The following ZNF568 variants were observed in gnomAD, a reference collection of about 807,000 sequenced individuals.
ZNF568 encodes the protein p53 inhibitor of SCO2 activation.
A neutral mutation model predicts 18.1 loss-of-function variants in ZNF568; 11 were observed. The observed-to-expected ratio is 0.61, with a 90% CI of 0.38 to 1.00. The LOEUF (loss-of-function observed/expected upper bound fraction) is 1.00, where lower values mean the gene tolerates loss of function less well. Ranked by LOEUF, ZNF568 falls within the 50% of genes least tolerant of loss-of-function variation. ZNF568 has a pLI of 0.01. For synonymous variants in ZNF568, 213 were observed against 246.6 expected, an observed-to-expected ratio of 0.86 and a Z score of 1.28; for missense variants, 639 against 768.2, an observed-to-expected ratio of 0.83 and a Z score of 1.99.
downstream of ZNF568, chr19:36,997,435 CA>C: frequency 1.9e-6 from 3 of 1,591,076 alleles, no homozygotes; most frequent in Non-Finnish European, 1.7e-6. Context: ...TGTTCGACAT[CA>C]AAAAGTTCAC....
At chr19:36,992,286 G>A (rs938099978) in intron 4 of ZNF568, among the ~76,000 whole-genome samples, 5 of 148,620 alleles carry the variant, frequency 3.4e-5, no homozygotes, top group South Asian at 2.1e-4. Context: ...GGCGGATTAC[G>A]AGGTCAGGAG....
At position 36,992,558 on chromosome 19, in the gene ZNF568, C is replaced by T. The variant is rs529004436; in HGVS notation, c.229+712C>T. On this transcript the variant is annotated intron_variant, in intron 4 of 4. Coordinates refer to the ZNF568 transcript ENST00000433993. ...TCCATTTACTAGGCTCTCTTGCTCACCTCCTATAATACCTCCCCCCTCATT... is the reference window on the plus strand; with the variant it reads ...TCCATTTACTAGGCTCTCTTGCTCATCTCCTATAATACCTCCCCCCTCATT... 5.9e-5 allele frequency among the ~76,000 whole-genome samples: 9 copies of T among 152,256 alleles called. No homozygotes were observed. The South Asian group carries it at 1.7e-3, about 28-fold the overall frequency.
chr19:36,936,647 C>A, intron 4 of ZNF568, 99 bp from the exon 5 acceptor site: 1 of 1,173,616 alleles, frequency 8.5e-7, no homozygotes, highest in Non-Finnish European at 1.2e-6. Context: ...AGTACTCCTA[C>A]CTCTGACCCC....
intron 7 of ZNF568, chr19:36,974,578 A>C: frequency 8.7e-7 from 1 of 1,150,978 alleles, no homozygotes; most frequent in Non-Finnish European, 1.2e-6. Flanking sequence ...AAAGGGGAAG[A>C]GGGGAGGAAA....
intron 2 of ZNF568, among the ~76,000 whole-genome samples, chr19:36,988,947 G>A (rs1051374352): frequency 1.2e-4 from 19 of 152,122 alleles, no homozygotes; most frequent in African/African-American, 4.6e-4. Flanking sequence ...GCACCAGAAT[G>A]TATTCCTCCT....
At chr19:36,948,657 G>GTTTTTTTTTTTTT (rs1568391851) in intron 6 of ZNF568, among the ~76,000 whole-genome samples, 1 of 42,574 alleles carries the variant, frequency 2.3e-5, no homozygotes, top group African/African-American at 1.4e-4. Context: ...TTTTGTTGTT[G>GTTTTTTTTTTTTT]ATTTTTTTTT....
downstream of ZNF568, among the ~76,000 whole-genome samples, chr19:36,954,233 A>G (rs2146317286): frequency 6.6e-6 from 1 of 152,338 alleles, no homozygotes; most frequent in Non-Finnish European, 1.5e-5. Flanking sequence ...TCAAAAAAAT[A>G]AAAACAATAC....
chr19:36,973,199 C>T (rs1193643272), intron 6 of ZNF568: 4 of 152,688 alleles, frequency 2.6e-5, no homozygotes, highest in East Asian at 1.9e-4. Flanking sequence ...GGCTAGTCAC[C>T]TTTCCTTGGC....
At position 36,949,679 on chromosome 19, in the gene ZNF568, T is replaced by A. The variant is rs1215142440; in HGVS notation, c.526T>A (p.Tyr176Asn). ...SDIVTSRQSF[Y>N]DCDSLDKGLE... The stretch of plus-strand genomic sequence containing the variant: ...CATTGTTACTTCAAGACAAAGCTTC[T>A]ATGACTGTGACTCACTTGATAAGGG... The change falls in exon 7 of 7, where the codon TAT (tyrosine) becomes AAT (asparagine). Residue 176 changes from tyrosine to asparagine, a missense_variant. Tyr to Asn is a moderately radical substitution (Grantham distance 143, BLOSUM62 -2). Transcript: ENST00000333987. 6.2e-7 allele frequency: 1 copy of A among 1,613,848 alleles called. No individual in the cohort carries two copies. The highest frequency in any genetic ancestry group is 2.2e-5 in the East Asian group (1 of 44,846).
Position 36,923,805 on chromosome 19 carries a change from C to T in ZNF568, c.76+959C>T, listed in dbSNP as rs78741104. Reference sequence around the variant, plus strand: ...TCTAGTCCACAGAAGTAATTAGTAGCTCCATTCCTGAACCTTTCTAGGGTC... The same window carrying T: ...TCTAGTCCACAGAAGTAATTAGTAGTTCCATTCCTGAACCTTTCTAGGGTC... On this transcript the variant is annotated intron_variant, in intron 3 of 6. Transcript: ENST00000333987. 5.3e-3 allele frequency among the ~76,000 whole-genome samples: 802 copies of T among 152,138 alleles called. 10 individuals carry two copies. The highest frequency in any genetic ancestry group is 0.018 in the African/African-American group (750 of 41,504).
intron 4 of ZNF568, among the ~76,000 whole-genome samples, chr19:36,926,691 G>C (rs1189069013): frequency 1.3e-5 from 2 of 152,156 alleles, no homozygotes; most frequent in African/African-American, 4.8e-5. Flanking sequence ...TGAACCCACA[G>C]ATATGGAGAA....
chr19:36,969,654 C>T (rs1038251328), intron 6 of ZNF568, among the ~76,000 whole-genome samples: 1 of 152,020 alleles, frequency 6.6e-6, no homozygotes, highest in Non-Finnish European at 1.5e-5. Context: ...CACTTTCCTC[C>T]GTCTTCAAAG....
Position 36,951,863 on chromosome 19 carries a change from A to C in ZNF568, c.*775A>C. The C allele has an allele frequency of 1.2e-6, 1 of 852,460 alleles. No homozygotes were observed. Among genetic ancestry groups the C allele is most frequent in the Non-Finnish European group, 1.4e-6 (1 of 709,710 alleles). The allele number at this position is 852,460 out of a possible 1,614,324, so 52.8% of individuals were successfully genotyped here. On this transcript the variant is annotated 3_prime_UTR_variant, in exon 7 of 7. Transcript: ENST00000333987. ...AGGGTAGTCTTGAACTCCTGACTTC[A>C]AAAGTGATCGCCCTCTTTGGCCTCC...
At chr19:36,985,051 A>T (rs1014375362) in intron 2 of ZNF568, among the ~76,000 whole-genome samples, 3 of 152,044 alleles carry the variant, frequency 2.0e-5, no homozygotes, top group Admixed American at 6.6e-5. Context: ...CTAGAACTTC[A>T]GTTAAATATC....
Position 36,952,585 on chromosome 19 carries a change from A to G in ZNF568, c.*1497A>G, listed in dbSNP as rs1402558545. On this transcript the variant is annotated 3_prime_UTR_variant, in exon 7 of 7. Transcript: ENST00000333987. ...AAACTATTTAAAATAGAATAGAAGG[A>G]TACACACCCAATTATTGATAGCATT... 1.3e-5 allele frequency: 2 copies of G among 155,382 alleles called. No homozygotes were observed. The highest frequency in any genetic ancestry group is 2.4e-5 in the African/African-American group (1 of 41,512). The allele number at this position is 155,382 out of a possible 1,614,324, so 9.6% of individuals were successfully genotyped here. A position where few individuals can be genotyped will look rare whatever the true frequency, so the allele number is the denominator to read the frequency against.
chr19:36,961,573 C>T (rs2074150360), intron 6 of ZNF568, among the ~76,000 whole-genome samples: 2 of 152,066 alleles, frequency 1.3e-5, no homozygotes, highest in African/African-American at 4.8e-5. Flanking sequence ...GTTGCCCAGG[C>T]TGGAGTGCAA....
intron 6 of ZNF568, among the ~76,000 whole-genome samples, chr19:36,946,795 G>C (rs2073974198): frequency 6.6e-6 from 1 of 151,142 alleles, no homozygotes; most frequent in African/African-American, 2.4e-5. Flanking sequence ...TGGGATTATA[G>C]GCATGCTCCA....
intron 4 of ZNF568, among the ~76,000 whole-genome samples, chr19:36,935,389 A>T (rs12980746): frequency 6.6e-6 from 1 of 151,884 alleles, no homozygotes; most frequent in Non-Finnish European, 1.5e-5. Flanking sequence ...GTGAAACCCC[A>T]TCTCTACTAA....
At chr19:36,929,710 A>G (rs1297777351) in intron 4 of ZNF568, among the ~76,000 whole-genome samples, 1 of 148,280 alleles carries the variant, frequency 6.7e-6, no homozygotes, top group Non-Finnish European at 1.5e-5. Context: ...AAAATTAGCT[A>G]GGTTTGGTGG....
Sources: allele counts gnomAD v4.1 joint callset (sites outside exome capture counted in the v4.1 genomes callset), GRCh38; gene constraint gnomAD v4.1.1; transcripts MANE v1.5; gene names NCBI Gene and HGNC (gene_info 2026-07-23, HGNC 2026-07-21).